The following WDR70 variants were observed in gnomAD, a reference collection of about 807,000 sequenced individuals.
WDR70 encodes the protein WD repeat-containing protein 70.
WDR70 carries 53 observed loss-of-function variants against 88.6 expected under a neutral mutation model. The ratio of observed to expected loss-of-function variants is 0.60; its 90% CI spans 0.48 to 0.75. The LOEUF (loss-of-function observed/expected upper bound fraction) is 0.75. Among genes scored for constraint, WDR70 ranks in the 30% least tolerant of loss-of-function variants. The pLI is 0.00. For synonymous variants in WDR70, 280 were observed against 270.0 expected (o/e 1.04, Z -0.36); for missense variants, 610 against 823.2 (o/e 0.74, Z 3.17).
intron 16 of WDR70, 96 bp from the exon 17 acceptor site, chr5:37,726,787 G>A (rs1581530163): frequency 8.0e-7 from 1 of 1,245,810 alleles, no homozygotes; most frequent in East Asian, 2.8e-5. Context: ...AAGTACTCTT[G>A]AGATTTGTGC....
chr5:37,566,777 G>C (rs548889231), intron 9 of WDR70, among the ~76,000 whole-genome samples: 9 of 152,280 alleles, frequency 5.9e-5, no homozygotes, highest in Non-Finnish European at 1.0e-4. Flanking sequence ...TTTAATCCAA[G>C]GGTTGAGAGT....
intron 10 of WDR70, among the ~76,000 whole-genome samples, chr5:37,679,885 A>G (rs1458499705): frequency 1.3e-5 from 2 of 152,232 alleles, no homozygotes; most frequent in Non-Finnish European, 2.9e-5. Flanking sequence ...GGTGGGCTCC[A>G]CCCAGTTGGA....
chr5:37,579,187 T>C (rs1743146317), intron 9 of WDR70, among the ~76,000 whole-genome samples: 1 of 152,208 alleles, frequency 6.6e-6, no homozygotes, highest in South Asian at 2.1e-4. Context: ...ACTGGGTTTG[T>C]AAATACTTTT....
At chr5:37,655,443 A>G (rs1372283212) in intron 10 of WDR70, among the ~76,000 whole-genome samples, 4 of 152,030 alleles carry the variant, frequency 2.6e-5, no homozygotes, top group Non-Finnish European at 4.4e-5. Context: ...CTGGAGGACT[A>G]TCTTTGTTCT....
intron 10 of WDR70, among the ~76,000 whole-genome samples, chr5:37,631,923 A>G (rs918301974): frequency 6.6e-6 from 1 of 152,164 alleles, no homozygotes; most frequent in Non-Finnish European, 1.5e-5. Flanking sequence ...TGGGGAGGAG[A>G]GCCAGGAGAG....
chr5:37,715,337 CAAAAAAAAAAA>C (rs138965709), intron 13 of WDR70, among the ~76,000 whole-genome samples: 10 of 112,974 alleles, frequency 8.9e-5, no homozygotes, highest in Admixed American at 3.5e-4. Flanking sequence ...AGATTTCTGG[CAAAAAAAAAAA>C]AAAAAAAAAG....
At chr5:37,740,568 G>A (rs559643220) in intron 17 of WDR70, among the ~76,000 whole-genome samples, 1 of 152,086 alleles carries the variant, frequency 6.6e-6, no homozygotes, top group Non-Finnish European at 1.5e-5. Flanking sequence ...GGTTTTGAGG[G>A]CAGGATGGAT....
chr5:37,468,144 C>T (rs1474453238), intron 7 of WDR70, among the ~76,000 whole-genome samples: 7 of 152,254 alleles, frequency 4.6e-5, no homozygotes, highest in East Asian at 1.9e-4. Flanking sequence ...CCACTGCGCC[C>T]GGCCTATCAT....
intron 10 of WDR70, among the ~76,000 whole-genome samples, chr5:37,645,175 C>G (rs1745200306): frequency 6.6e-6 from 1 of 150,696 alleles, no homozygotes. Flanking sequence ...TGTTATATTT[C>G]TGGTACCATT....
intron 9 of WDR70, among the ~76,000 whole-genome samples, chr5:37,521,994 G>T (rs113060444): frequency 4.6e-5 from 7 of 152,142 alleles, no homozygotes; most frequent in Admixed American, 3.9e-4. Flanking sequence ...TGTGAAGATT[G>T]TAAGTGTTGC....
chr5:37,524,409 C>A (rs1200944765), intron 9 of WDR70, among the ~76,000 whole-genome samples: 1 of 152,052 alleles, frequency 6.6e-6, no homozygotes, highest in African/African-American at 2.4e-5. Flanking sequence ...GAAATAAAAT[C>A]CTTTACAGAC....
intron 10 of WDR70, among the ~76,000 whole-genome samples, chr5:37,639,783 T>A (rs912154953): frequency 6.6e-6 from 1 of 152,198 alleles, no homozygotes; most frequent in Non-Finnish European, 1.5e-5. Context: ...TGAGAATTAA[T>A]AATATGGCAA....
At chr5:37,654,891 CTATT>C (rs1561052967) in intron 10 of WDR70, among the ~76,000 whole-genome samples, 2 of 152,142 alleles carry the variant, frequency 1.3e-5, no homozygotes, top group Non-Finnish European at 2.9e-5. Context: ...TGGGTCTTGA[CTATT>C]TATCCAATTT....
chr5:37,605,258 A>C lies in WDR70; in HGVS notation c.1092+20A>C, dbSNP rs965303310. 6.3e-7 allele frequency: 1 copy of C among 1,586,050 alleles called. No individual in the cohort carries two copies. The highest frequency in any genetic ancestry group is 8.6e-7 in the Non-Finnish European group (1 of 1,165,042). ...TTGACTGTAAGTTAAATCTTTTCTT[A>C]GAACATGGCCACCTTAAATCTTTCC... On this transcript the variant is annotated intron_variant, in intron 10 of 17. Transcript: ENST00000265107.
rs557256027 is a variant in WDR70, at chr5:37,389,684, T to C, written c.176-2316T>C. On this transcript the variant is annotated intron_variant, in intron 3 of 17. Coordinates refer to ENST00000265107, the MANE Select transcript of WDR70 (RefSeq NM_018034.4). ...GCCTGGGCCTCCCAAAGTGCTGGGA[T>C]TACAGGCGTGAGCCACCGTGCCCGA... Among the ~76,000 whole-genome samples the C allele has an allele frequency of 7.4e-4, 112 of 152,250 alleles. 2 individuals carry two copies. Among genetic ancestry groups the C allele is most frequent in the Non-Finnish European group, 7.4e-5 (5 of 68,002 alleles).
chr5:37,433,831 C>CA (rs1188552413), intron 5 of WDR70, among the ~76,000 whole-genome samples: 1 of 152,144 alleles, frequency 6.6e-6, no homozygotes, highest in Non-Finnish European at 1.5e-5. Flanking sequence ...TTCATTTGCC[C>CA]ATTTGTTTAC....
intron 5 of WDR70, among the ~76,000 whole-genome samples, chr5:37,409,183 C>T (rs1749446717): frequency 6.6e-6 from 1 of 152,156 alleles, no homozygotes; most frequent in Admixed American, 6.6e-5. Context: ...AGGTGATCCA[C>T]CCGCCTCGGC....
intron 9 of WDR70, among the ~76,000 whole-genome samples, chr5:37,530,050 A>G (rs1455237058): frequency 1.3e-5 from 2 of 152,128 alleles, no homozygotes; most frequent in Non-Finnish European, 2.9e-5. Flanking sequence ...GGATTTTGTC[A>G]AATGCTTTTT....
At chr5:37,746,357 A>AT (rs1193163402) in intron 17 of WDR70, among the ~76,000 whole-genome samples, 3 of 152,202 alleles carry the variant, frequency 2.0e-5, no homozygotes, top group Non-Finnish European at 2.9e-5. Flanking sequence ...TAACATCACA[A>AT]TTAAAAGAGC....
Sources: allele counts gnomAD v4.1 joint callset (sites outside exome capture counted in the v4.1 genomes callset), GRCh38; gene constraint gnomAD v4.1.1; transcripts MANE v1.5; gene names NCBI Gene and HGNC (gene_info 2026-07-23, HGNC 2026-07-21).